Variants in PTPRD observed in about 807,000 individuals in gnomAD.
PTPRD encodes the protein receptor-type tyrosine-protein phosphatase delta.
PTPRD carries 34 observed loss-of-function variants against 214.5 expected under a neutral mutation model. The observed-to-expected ratio is 0.16, with a 90% CI of 0.12 to 0.21. PTPRD has a LOEUF of 0.21. Among genes scored for constraint, PTPRD ranks in the 10% least tolerant of loss-of-function variants. The probability of loss-of-function intolerance (pLI) is 1.00; values close to 1 mark genes in which losing one functional copy is unlikely to be tolerated. For synonymous variants in PTPRD, 1,128 were observed against 845.7 expected (o/e 1.33, Z -5.79); for missense variants, 2,545 against 2,398.7 (o/e 1.06, Z -1.27).
intron 7 of PTPRD, among the ~76,000 whole-genome samples, chr9:9,666,293 T>C (rs538198353): frequency 2.0e-5 from 3 of 152,100 alleles, no homozygotes; most frequent in South Asian, 4.1e-4. Flanking sequence ...AGTAGGACTA[T>C]ATTTTATTGA....
At chr9:9,038,274 T>A (rs2154381540) in intron 10 of PTPRD, among the ~76,000 whole-genome samples, 1 of 152,260 alleles carries the variant, frequency 6.6e-6, no homozygotes, top group African/African-American at 2.4e-5. Context: ...TGAGCCCAGA[T>A]GGGCAGCTGG....
At chr9:9,484,129 T>G (rs2095529912) in intron 8 of PTPRD, among the ~76,000 whole-genome samples, 1 of 151,904 alleles carries the variant, frequency 6.6e-6, no homozygotes. Flanking sequence ...AGAGATTGAT[T>G]TAAACTAATT....
At chr9:10,541,546 T>C (rs2059112131) in intron 2 of PTPRD, among the ~76,000 whole-genome samples, 1 of 151,858 alleles carries the variant, frequency 6.6e-6, no homozygotes, top group African/African-American at 2.4e-5. Flanking sequence ...TATATATTTA[T>C]ATAATACACA....
At chr9:8,328,808 T>G (rs561349010) in intron 44 of PTPRD, among the ~76,000 whole-genome samples, 1 of 152,272 alleles carries the variant, frequency 6.6e-6, no homozygotes, top group African/African-American at 2.4e-5. Context: ...GTTCTTCCAC[T>G]TGATTGATTT....
At chr9:9,247,364 C>G (rs1176090372) in intron 9 of PTPRD, among the ~76,000 whole-genome samples, 2 of 148,148 alleles carry the variant, frequency 1.3e-5, no homozygotes, top group African/African-American at 5.1e-5. Flanking sequence ...GGAATATAAG[C>G]ACAAAATTAG....
chr9:8,806,255 G>C (rs557398562), intron 11 of PTPRD, among the ~76,000 whole-genome samples: 1 of 150,664 alleles, frequency 6.6e-6, no homozygotes, highest in Admixed American at 6.7e-5. Flanking sequence ...GGTGGGGCGG[G>C]GGGGGGATTT....
chr9:9,891,274 A>G (rs561606322), intron 5 of PTPRD, among the ~76,000 whole-genome samples: 113 of 152,302 alleles, frequency 7.4e-4, no homozygotes, highest in African/African-American at 2.5e-3. Context: ...GAAATATGCA[A>G]TAAACTCCCA....
At chr9:8,878,817 G>A (rs1419620870) in intron 11 of PTPRD, among the ~76,000 whole-genome samples, 1 of 152,158 alleles carries the variant, frequency 6.6e-6, no homozygotes, top group Non-Finnish European at 1.5e-5. Context: ...TACAGCATAA[G>A]TTATCACACC....
intron 43 of PTPRD, among the ~76,000 whole-genome samples, chr9:8,332,069 C>T (rs1841945689): frequency 6.6e-6 from 1 of 152,078 alleles, no homozygotes; most frequent in Non-Finnish European, 1.5e-5. Flanking sequence ...GGGTTCGTAA[C>T]CATTCATCAT....
chr9:8,382,401 T>C (rs2085389795), intron 37 of PTPRD, among the ~76,000 whole-genome samples: 1 of 152,142 alleles, frequency 6.6e-6, no homozygotes, highest in African/African-American at 2.4e-5. Flanking sequence ...TTGTACAAAG[T>C]CATCAGGAGC....
intron 5 of PTPRD, among the ~76,000 whole-genome samples, chr9:9,859,738 G>A (rs185544267): frequency 1.3e-5 from 2 of 152,254 alleles, no homozygotes; most frequent in Admixed American, 6.5e-5. Context: ...TTAAATTTCT[G>A]AGTCTTCAAG....
At chr9:9,744,038 C>T (rs900139407) in intron 6 of PTPRD, among the ~76,000 whole-genome samples, 1 of 152,034 alleles carries the variant, frequency 6.6e-6, no homozygotes, top group Non-Finnish European at 1.5e-5. Context: ...ATTTGTAAGA[C>T]TTTTACATAT....
At chr9:9,991,236 G>C (rs1248232097) in intron 4 of PTPRD, among the ~76,000 whole-genome samples, 1 of 151,650 alleles carries the variant, frequency 6.6e-6, no homozygotes, top group African/African-American at 2.4e-5. Context: ...GCCCGGCTGA[G>C]TAAAATATTC....
At chr9:10,129,712 C>A (rs1489769632) in intron 3 of PTPRD, among the ~76,000 whole-genome samples, 1 of 151,930 alleles carries the variant, frequency 6.6e-6, no homozygotes, top group Non-Finnish European at 1.5e-5. Context: ...ACCGTTCTGT[C>A]AGTAGCAAAG....
intron 42 of PTPRD, among the ~76,000 whole-genome samples, chr9:8,339,399 G>A (rs921166452): frequency 6.6e-6 from 1 of 152,082 alleles, no homozygotes; most frequent in Admixed American, 6.6e-5. Flanking sequence ...TGCTGGCCAT[G>A]ACAATAACAC....
rs569666600 is a variant in PTPRD, at chr9:8,820,255, T to C, written c.-103-86309A>G. Among the ~76,000 whole-genome samples the C allele has an allele frequency of 1.6e-4, 24 of 152,174 alleles. 1 individual carries two copies. The highest frequency in any genetic ancestry group is 1.9e-4 in the East Asian group (1 of 5,164). ...ACAGATGTGAAAACTGAGGCACACA[T>C]AGATTAAGTAATTTAATGAAAGGTC... On this transcript the variant is annotated intron_variant, in intron 11 of 45. Transcript: ENST00000381196.
chr9:10,297,580 GTTT>G (rs5896384), intron 3 of PTPRD, among the ~76,000 whole-genome samples: 28,454 of 144,354 alleles, frequency 0.2, 3,830 homozygotes, highest in African/African-American at 0.36. Flanking sequence ...AATGAGTTGT[GTTT>G]TTTTTTTTTT....
At position 9,278,707 on chromosome 9, in the gene PTPRD, G is replaced by A. The variant is rs902572365; in HGVS notation, c.-202-95344C>T. ...AGACATTTTAGTGTCAGTCAGACCT[G>A]CGGAATTCTCTGAGTTTTCATTTTC... On this transcript the variant is annotated intron_variant, in intron 9 of 45. Transcript: ENST00000381196. Among the ~76,000 whole-genome samples the A allele has an allele frequency of 2.6e-5, 4 of 151,416 alleles. 1 individual carries two copies. The highest frequency in any genetic ancestry group is 6.8e-3 in the Middle Eastern group (2 of 294).
intron 5 of PTPRD, among the ~76,000 whole-genome samples, chr9:9,799,190 T>C (rs150928076): frequency 6.6e-6 from 1 of 152,280 alleles, no homozygotes; most frequent in Non-Finnish European, 1.5e-5. Context: ...GATAGGTTTG[T>C]AGTCAGGTTG....
Sources: allele counts gnomAD v4.1 joint callset (sites outside exome capture counted in the v4.1 genomes callset), GRCh38; gene constraint gnomAD v4.1.1; transcripts MANE v1.5; gene names NCBI Gene and HGNC (gene_info 2026-07-23, HGNC 2026-07-21).